The following SPON2 variants were observed in gnomAD, a reference collection of about 807,000 sequenced individuals.
SPON2 encodes the protein spondin 2, also known as spondin-2.
A neutral mutation model predicts 29.9 loss-of-function variants in SPON2; 32 were observed. That is an observed-to-expected ratio of 1.07 (90% CI 0.81 to 1.44). SPON2 has a LOEUF of 1.44. Ranked by LOEUF, SPON2 falls within the 40% of genes most tolerant of loss-of-function variation. The pLI is 0.00. For synonymous variants in SPON2, 248 were observed against 209.1 expected, an observed-to-expected ratio of 1.19 and a Z score of -1.61; for missense variants, 541 against 455.5, an observed-to-expected ratio of 1.19 and a Z score of -1.71.
At chr4:1,189,270 G>C (rs775019958) in intron 1 of SPON2, among the ~76,000 whole-genome samples, 1 of 151,464 alleles carries the variant, frequency 6.6e-6, no homozygotes, top group Non-Finnish European at 1.5e-5. Flanking sequence ...CTAAAGAAAC[G>C]AGAAAAAAAC....
upstream of SPON2, among the ~76,000 whole-genome samples, chr4:1,176,713 CCA>C (rs1296609183): frequency 6.6e-6 from 1 of 152,022 alleles, no homozygotes; most frequent in Admixed American, 6.5e-5. Flanking sequence ...ATGCAATCAT[CCA>C]CACAGTACAT....
upstream of SPON2, chr4:1,196,794 C>T (rs2108675750): frequency 6.6e-6 from 1 of 152,434 alleles, no homozygotes; most frequent in South Asian, 2.1e-4. Flanking sequence ...AGAAGTGTCA[C>T]CGGTAAGCGC....
At chr4:1,204,243 C>T (rs1728284888) in intron 1 of SPON2, among the ~76,000 whole-genome samples, 1 of 152,188 alleles carries the variant, frequency 6.6e-6, no homozygotes, top group Non-Finnish European at 1.5e-5. Flanking sequence ...TTCTTTAGCA[C>T]ACTGGTTTTT....
At chr4:1,194,983 GCC>G (rs1560210636) in intron 1 of SPON2, 7 of 143,638 alleles carry the variant, frequency 4.9e-5, no homozygotes, top group South Asian at 2.2e-4. Context: ...GCAGCCGGCG[GCC>G]TCACCTCACA....
intron 1 of SPON2, among the ~76,000 whole-genome samples, chr4:1,205,303 G>GCCA (rs939463265): frequency 1.6e-4 from 25 of 152,236 alleles, no homozygotes; most frequent in African/African-American, 5.8e-4. Flanking sequence ...ACAGGAGGTG[G>GCCA]CGCTGGCTGA....
At chr4:1,207,357 GGCAC>G (rs1553835903) in intron 1 of SPON2, among the ~76,000 whole-genome samples, 2 of 152,130 alleles carry the variant, frequency 1.3e-5, no homozygotes, top group Non-Finnish European at 2.9e-5. Context: ...CCCCACAGTG[GGCAC>G]CCCCAGCTGG....
intron 1 of SPON2, among the ~76,000 whole-genome samples, chr4:1,206,872 G>A (rs1363142243): frequency 6.6e-6 from 1 of 151,970 alleles, no homozygotes; most frequent in Admixed American, 6.6e-5. Flanking sequence ...GTGAGCAGGT[G>A]TGAGCAGGTG....
At position 1,167,565 on chromosome 4, in the gene SPON2, C is replaced by G. The variant is rs144512808; in HGVS notation, c.903G>C (p.Arg301Ser). 3 of 1,613,598 alleles carry G rather than the reference C, an allele frequency of 1.9e-6. No individual in the cohort carries two copies. Among genetic ancestry groups the G allele is most frequent in the African/African-American group, 1.3e-5 (1 of 75,062 alleles). ...GHCGRLGTKS[R>S]TRYVRVQPAN... ...CGGGCTGGACCCGGACGTAGCGAGT[C>G]CTGCTCTTGGTCCCGAGCCTCCCAC... Residue 301 changes from arginine to serine, a missense_variant, in exon 6 of 6, where the codon AGG (arginine) becomes AGC (serine). Arg to Ser is a moderately radical substitution (Grantham distance 110, BLOSUM62 -1). Coordinates refer to ENST00000290902, the MANE Select transcript of SPON2 (RefSeq NM_012445.4).
upstream of SPON2, among the ~76,000 whole-genome samples, chr4:1,196,030 G>A (rs1312500903): frequency 6.6e-6 from 1 of 152,086 alleles, no homozygotes; most frequent in African/African-American, 2.4e-5. Context: ...GGTAGTTCCT[G>A]GCACCCTCCC....
intron 1 of SPON2, among the ~76,000 whole-genome samples, chr4:1,192,283 C>G (rs1366763539): frequency 6.6e-6 from 1 of 152,254 alleles, no homozygotes; most frequent in Non-Finnish European, 1.5e-5. Context: ...GTGTGGGACT[C>G]TGTCCAAGCT....
chr4:1,205,701 C>T (rs1001035033), intron 1 of SPON2, among the ~76,000 whole-genome samples: 15 of 152,148 alleles, frequency 9.9e-5, no homozygotes, highest in Admixed American at 1.3e-4. Context: ...GAGATGCTGG[C>T]GTCACCACGG....
chr4:1,177,212 A>C (rs1053186959), upstream of SPON2, among the ~76,000 whole-genome samples: 1 of 152,174 alleles, frequency 6.6e-6, no homozygotes, highest in African/African-American at 2.4e-5. Flanking sequence ...CTGTGTCCAC[A>C]TCCAGCTCCA....
intron 1 of SPON2, among the ~76,000 whole-genome samples, chr4:1,192,494 G>A (rs1278368741): frequency 1.3e-5 from 2 of 152,180 alleles, no homozygotes; most frequent in African/African-American, 2.4e-5. Context: ...TGCCATTTTC[G>A]GATTGGCATT....
intron 1 of SPON2, among the ~76,000 whole-genome samples, chr4:1,186,080 T>TAA (rs1261266056): frequency 1.7e-4 from 23 of 136,328 alleles, no homozygotes; most frequent in Non-Finnish European, 3.5e-4. Context: ...CCATCTCTAC[T>TAA]AAAAATACAA....
intron 2 of SPON2, 58 bp downstream of exon 2, chr4:1,171,794 G>A (rs895044347): frequency 1.7e-6 from 2 of 1,166,918 alleles, no homozygotes; most frequent in African/African-American, 1.5e-5. Context: ...CTGTGCGGGG[G>A]GCTCCGGCGC....
chr4:1,206,734 G>T (rs1372212638), intron 1 of SPON2, among the ~76,000 whole-genome samples: 5 of 152,208 alleles, frequency 3.3e-5, no homozygotes, highest in Admixed American at 6.5e-5. Context: ...TCTCCCTCAG[G>T]GGGCAGAAGA....
intron 1 of SPON2, among the ~76,000 whole-genome samples, chr4:1,180,273 G>T (rs549858297): frequency 1.3e-5 from 2 of 152,284 alleles, no homozygotes; most frequent in Non-Finnish European, 2.9e-5. Flanking sequence ...GGAAATCTCT[G>T]TCTGGCCATT....
At chr4:1,175,656 C>T (rs79844196), upstream of SPON2, among the ~76,000 whole-genome samples, 23,723 of 151,186 alleles carry the variant, frequency 0.16, 2,266 homozygotes, top group African/African-American at 0.27. Flanking sequence ...GTAGTAGGCC[C>T]AGGCCTCGGG....
At position 1,167,407 on chromosome 4, in the gene SPON2, G is replaced by T. The variant is rs1217126450; in HGVS notation, c.*65C>A. On this transcript the variant is annotated 3_prime_UTR_variant, in exon 6 of 6. Transcript: ENST00000290902. ...GTGCCCTCGGCCGCCTGCAGCATGA[G>T]CCTGCACAGGAGCCCCCGACACCCC... 5.9e-6 allele frequency: 9 copies of T among 1,515,304 alleles called. No individual in the cohort carries two copies. The East Asian group carries it at 6.8e-5, about 11-fold the overall frequency. 93.9% of individuals were successfully genotyped at this position (1,515,304 alleles called of 1,614,324 possible).
Sources: gnomAD v4.1 joint callset for allele counts (sites outside exome capture counted in the v4.1 genomes callset) on GRCh38, gnomAD v4.1.1 for gene constraint, MANE v1.5 for transcripts, NCBI Gene and HGNC (gene_info 2026-07-23, HGNC 2026-07-21) for gene names.